Variants in DYNC2H1 observed in about 807,000 individuals in gnomAD.
DYNC2H1 encodes the protein dynein cytoplasmic 2 heavy chain 1.
A neutral mutation model predicts 570.0 loss-of-function variants in DYNC2H1; 410 were observed. The ratio of observed to expected loss-of-function variants is 0.72; its 90% CI spans 0.66 to 0.78. The LOEUF (loss-of-function observed/expected upper bound fraction) is 0.78. DYNC2H1 is among the 30% of genes least tolerant of loss of function. DYNC2H1 has a pLI of 0.00. For missense variants in DYNC2H1, 4,865 were observed against 5,046.4 expected (o/e 0.96, Z 1.09); for synonymous variants, 1,688 against 1,677.6 (o/e 1.01, Z -0.15).
chr11:103,170,089 T>C lies in DYNC2H1; in HGVS notation c.4969-19T>C. 6.3e-7 allele frequency: 1 copy of C among 1,581,704 alleles called. No individual in the cohort carries two copies. The highest frequency in any genetic ancestry group is 8.6e-7 in the Non-Finnish European group (1 of 1,164,382). ...TGAATAGAACATGAATACTCTGACT[T>C]TGTGTTGTTCTTGTATAGGGTAATG... On this transcript the variant is annotated intron_variant, in intron 32 of 88. Coordinates refer to ENST00000375735, the MANE Select transcript of DYNC2H1 (RefSeq NM_001377.3). The surrounding 1 kb of genome is among the most constrained non-coding windows in gnomAD (Gnocchi z 4.8).
At chr11:103,358,169 T>C in intron 82 of DYNC2H1, 74 bp from the exon 83 acceptor site, 1 of 804,478 alleles carries the variant, frequency 1.2e-6, no homozygotes, top group Non-Finnish European at 1.9e-6. Context: ...ATGTCTGTTT[T>C]TGTACCTATG....
chr11:103,139,954 A>G (rs1323745155), intron 17 of DYNC2H1, among the ~76,000 whole-genome samples: 1 of 152,032 alleles, frequency 6.6e-6, no homozygotes, highest in Non-Finnish European at 1.5e-5. Context: ...GAATTGATCC[A>G]TTTACCATCA....
chr11:103,279,018 A>G (rs1032965613), intron 70 of DYNC2H1, among the ~76,000 whole-genome samples: 11 of 152,210 alleles, frequency 7.2e-5, no homozygotes, highest in African/African-American at 2.7e-4. Flanking sequence ...TGGATTAAAA[A>G]CATTCTTCCC....
At chr11:103,424,720 A>AAAG (rs60661917) in intron 84 of DYNC2H1, among the ~76,000 whole-genome samples, 21 of 151,622 alleles carry the variant, frequency 1.4e-4, no homozygotes, top group African/African-American at 5.1e-4. Flanking sequence ...AAAAAAAAAA[A>AAAG]GAGGAGGCAA....
chr11:103,440,353 G>T (rs1944222802), intron 85 of DYNC2H1, among the ~76,000 whole-genome samples: 2 of 152,084 alleles, frequency 1.3e-5, no homozygotes, highest in Non-Finnish European at 2.9e-5. Context: ...AATACTTACA[G>T]TTCATTTTAA....
intron 54 of DYNC2H1, among the ~76,000 whole-genome samples, chr11:103,214,522 G>A (rs1479001089): frequency 7.0e-6 from 1 of 142,490 alleles, no homozygotes; most frequent in Non-Finnish European, 1.5e-5. Context: ...TTGGCTCACT[G>A]CAGCCTCCAA....
At chr11:103,385,611 A>G (rs1941839441) in intron 83 of DYNC2H1, among the ~76,000 whole-genome samples, 1 of 152,230 alleles carries the variant, frequency 6.6e-6, no homozygotes, top group Non-Finnish European at 1.5e-5. Flanking sequence ...AAAATCCTAT[A>G]TTAAATCCAG....
chr11:103,120,619 G>C, intron 7 of DYNC2H1, 38 bp downstream of exon 7: 1 of 1,595,118 alleles, frequency 6.3e-7, no homozygotes. Context: ...ACAGTTTCCT[G>C]TTTATGTTGT....
chr11:103,212,687 C>T (rs1413217988), intron 54 of DYNC2H1, among the ~76,000 whole-genome samples: 1 of 152,088 alleles, frequency 6.6e-6, no homozygotes, highest in Non-Finnish European at 1.5e-5. Flanking sequence ...AACATTTCCT[C>T]TCTAAAGTTT....
Position 103,148,618 on chromosome 11 carries a change from G to A in DYNC2H1, c.2946+1G>A, listed in dbSNP as rs1442922319. ...TAAGTTACAAGAACGGAAGCCAGAG[G>A]TGAGAATCACAAAGTAAAATTATTA... On this transcript the variant is annotated splice_donor_variant, in intron 20 of 88. Transcript: ENST00000375735. LOFTEE classifies it high-confidence loss of function. 2 of 1,557,876 alleles carry A rather than the reference G, an allele frequency of 1.3e-6. No homozygotes were observed. The highest frequency in any genetic ancestry group is 2.7e-5 in the African/African-American group (2 of 73,246).
intron 83 of DYNC2H1, among the ~76,000 whole-genome samples, chr11:103,373,001 T>C (rs931127358): frequency 6.6e-6 from 1 of 152,104 alleles, no homozygotes; most frequent in Non-Finnish European, 1.5e-5. Context: ...TGGAGTGCAG[T>C]GGTGTGATCT....
At chr11:103,316,511 T>C (rs745438216) in intron 79 of DYNC2H1, 34 bp from the exon 80 acceptor site, 45 of 1,435,822 alleles carry the variant, frequency 3.1e-5, no homozygotes, top group Non-Finnish European at 3.8e-5. Context: ...GACTACTGCT[T>C]AGTTGTTTAC....
chr11:103,282,040 T>A (rs914997765), intron 71 of DYNC2H1, 139 bp from the exon 72 acceptor site: 1 of 610,580 alleles, frequency 1.6e-6, no homozygotes, highest in Non-Finnish European at 2.8e-6. Context: ...AATGTTAACA[T>A]ACTAGAAGAA....
At chr11:103,193,992 T>C (rs1167427809) in intron 47 of DYNC2H1, among the ~76,000 whole-genome samples, 1 of 152,204 alleles carries the variant, frequency 6.6e-6, no homozygotes, top group African/African-American at 2.4e-5. Context: ...TTAAGAAGAT[T>C]GTAATCTAAT....
Position 103,177,950 on chromosome 11 carries a change from A to C in DYNC2H1, c.6139+130A>C. The C allele has an allele frequency of 1.8e-6, 2 of 1,082,662 alleles. No individual in the cohort carries two copies. The highest frequency in any genetic ancestry group is 2.5e-6 in the Non-Finnish European group (2 of 797,290). 67.1% of individuals were successfully genotyped at this position (1,082,662 alleles called of 1,614,324 possible). Reference sequence around the variant, plus strand: ...TCATAATTAAGTTAAAATGATGTACATTTGATATTTTACTTTGGAGGGGGC... The same window carrying C: ...TCATAATTAAGTTAAAATGATGTACCTTTGATATTTTACTTTGGAGGGGGC... On this transcript the variant is annotated intron_variant, in intron 38 of 88. Transcript: ENST00000375735. This position sits in a 1 kb window ranked among gnomAD's most constrained non-coding sequence, Gnocchi z 4.4.
At chr11:103,234,813 G>A (rs566914861) in intron 61 of DYNC2H1, among the ~76,000 whole-genome samples, 1 of 151,788 alleles carries the variant, frequency 6.6e-6, no homozygotes, top group Non-Finnish European at 1.5e-5. Context: ...TGTCTCTGAG[G>A]AACTCAAACC....
Position 103,235,676 on chromosome 11 carries a change from T to A in DYNC2H1, c.9572T>A (p.Val3191Glu). The A allele has an allele frequency of 6.2e-7, 1 of 1,607,514 alleles. No homozygotes were observed. Among genetic ancestry groups the A allele is most frequent in the African/African-American group, 1.3e-5 (1 of 74,862 alleles). ...REHKRWNAQV[V>E]EITEELATLP... The stretch of plus-strand genomic sequence containing the variant: ...TCTTCTCTCTCTTTTTTCCAGGTTG[T>A]AGAGATAACAGAGGAATTAGCTACT... The change falls in exon 62 of 89, where the codon GTA (valine) becomes GAA (glutamate). Residue 3191 changes from valine (V) to glutamate (E), a missense_variant. Physicochemically the swap from Val to Glu is moderately radical, Grantham distance 121. Coordinates refer to ENST00000375735, the MANE Select transcript of DYNC2H1 (RefSeq NM_001377.3).
chr11:103,255,597 A>T, intron 67 of DYNC2H1, 63 bp downstream of exon 67: 3 of 1,462,602 alleles, frequency 2.1e-6, no homozygotes, highest in Non-Finnish European at 2.7e-6. Context: ...AATACAAATA[A>T]CAGTGTTTGG....
intron 59 of DYNC2H1, among the ~76,000 whole-genome samples, chr11:103,225,339 A>T (rs926184447): frequency 6.6e-6 from 1 of 152,116 alleles, no homozygotes. Flanking sequence ...GCCAATGTCT[A>T]TAAGGGTATT....
Sources: gnomAD v4.1 joint callset for allele counts (sites outside exome capture counted in the v4.1 genomes callset) on GRCh38, gnomAD v4.1.1 for gene constraint, Gnocchi (gnomAD v3.1) non-coding constraint, MANE v1.5 for transcripts, NCBI Gene and HGNC (gene_info 2026-07-23, HGNC 2026-07-21) for gene names.